The following CES5A variants were observed in gnomAD, a reference collection of about 807,000 sequenced individuals.
CES5A encodes carboxylesterase 5.
CES5A carries 67 observed loss-of-function variants against 62.9 expected under a neutral mutation model. The observed-to-expected ratio is 1.07, with a 90% CI of 0.88 to 1.31. The LOEUF (loss-of-function observed/expected upper bound fraction) is 1.31. CES5A is among the 50% of genes most tolerant of loss of function. The probability of loss-of-function intolerance (pLI) is 0.00; values close to 1 mark genes in which losing one functional copy is unlikely to be tolerated. For synonymous variants in CES5A, 296 were observed against 280.8 expected (o/e 1.05, Z -0.54); for missense variants, 748 against 708.5 (o/e 1.06, Z -0.63).
intron 1 of CES5A, among the ~76,000 whole-genome samples, chr16:55,889,558 G>A (rs1441788608): frequency 6.6e-6 from 1 of 152,162 alleles, no homozygotes; most frequent in East Asian, 1.9e-4. Context: ...TATCTGGGAA[G>A]GGGCATAGAG....
intron 6 of CES5A, among the ~76,000 whole-genome samples, chr16:55,862,489 G>A (rs1316505059): frequency 8.5e-5 from 13 of 152,118 alleles, no homozygotes; most frequent in African/African-American, 3.1e-4. Context: ...AACAGAGCAG[G>A]GAAAATAGTG....
chr16:55,908,065 C>T (rs1256713411), intron 1 of CES5A, among the ~76,000 whole-genome samples: 2 of 152,164 alleles, frequency 1.3e-5, no homozygotes, highest in African/African-American at 4.8e-5. Context: ...TTACTATTCT[C>T]TTGTCTGGCC....
chr16:55,908,863 T>A (rs2034065163), intron 1 of CES5A, among the ~76,000 whole-genome samples: 1 of 152,216 alleles, frequency 6.6e-6, no homozygotes, highest in African/African-American at 2.4e-5. Flanking sequence ...GCAGTGGACA[T>A]GGTCACTTAG....
At chr16:55,912,858 A>G (rs1355103525) in intron 1 of CES5A, among the ~76,000 whole-genome samples, 2 of 152,168 alleles carry the variant, frequency 1.3e-5, no homozygotes, top group African/African-American at 4.8e-5. Flanking sequence ...GCTCTTTGCC[A>G]TTGTTCAGTG....
intron 1 of CES5A, among the ~76,000 whole-genome samples, chr16:55,924,153 A>G (rs1465301924): frequency 6.6e-6 from 1 of 151,948 alleles, no homozygotes; most frequent in Non-Finnish European, 1.5e-5. Context: ...ACATGGTCTT[A>G]TACTCAGGAA....
chr16:55,873,774 C>T (rs535598579), intron 2 of CES5A, 59 bp downstream of exon 2: 2 of 1,463,206 alleles, frequency 1.4e-6, no homozygotes, highest in Non-Finnish European at 1.9e-6. Flanking sequence ...GGCTGCATGA[C>T]CTGAATTCCT....
chr16:55,942,254 A>C (rs1398375987), intron 2 of CES5A, among the ~76,000 whole-genome samples: 1 of 152,236 alleles, frequency 6.6e-6, no homozygotes, highest in East Asian at 1.9e-4. Flanking sequence ...CCTACTTATG[A>C]AAAGACGTCA....
chr16:55,866,034 A>C lies in CES5A; in HGVS notation c.634T>G (p.Phe212Val), dbSNP rs2033451756. ...ALSWVQKNIE[F>V]FGGDPSSVTI... ...ACAGAGCTGGGGTCCCCACCGAAGA[A>C]CTCGATGTTCTTCTGGACCCAGGAC... The change falls in exon 5 of 13, where the codon TTC (phenylalanine) becomes GTC (valine). Residue 212 changes from phenylalanine to valine, a missense_variant. Coordinates refer to ENST00000290567, the MANE Select transcript of CES5A (RefSeq NM_001143685.2). 1.9e-6 allele frequency: 3 copies of C among 1,613,992 alleles called. No homozygotes were observed. In the South Asian group the frequency reaches 3.3e-5, roughly 18 times the overall value.
At chr16:55,955,759 T>C in intron 1 of CES5A, 1 of 1,444,688 alleles carries the variant, frequency 6.9e-7, no homozygotes, top group Non-Finnish European at 9.4e-7. Flanking sequence ...TGGGTAAATT[T>C]GCATCTAATC....
At chr16:55,881,809 A>C (rs561702998) in intron 1 of CES5A, among the ~76,000 whole-genome samples, 1 of 152,342 alleles carries the variant, frequency 6.6e-6, no homozygotes, top group Non-Finnish European at 1.5e-5. Flanking sequence ...CTTGTTAGCT[A>C]CCATAGAAAT....
chr16:55,848,786 TG>T (rs2142380528), intron 11 of CES5A, among the ~76,000 whole-genome samples: 1 of 152,350 alleles, frequency 6.6e-6, no homozygotes, highest in Non-Finnish European at 1.5e-5. Context: ...TTACATAGTA[TG>T]GGCTCAGGAA....
rs543780961 is a variant in CES5A at position 55,913,747 on chromosome 16, T to C, written c.-256+11576A>G. Among the ~76,000 whole-genome samples, 8 of 152,368 alleles carry C rather than the reference T, an allele frequency of 5.3e-5. No homozygotes were observed. The South Asian group carries it at 1.7e-3, about 32-fold the overall frequency. ...CAGTCTTTCTGTTTAATCACCATCA[T>C]CTGCAGCCTTCCCTGGTACAAAGAG... is the stretch of plus-strand genomic sequence containing the variant. On this transcript the variant is annotated intron_variant, in intron 1 of 12. Transcript: ENST00000518005.
At chr16:55,894,235 G>A (rs1252769280) in intron 1 of CES5A, among the ~76,000 whole-genome samples, 10 of 152,098 alleles carry the variant, frequency 6.6e-5, no homozygotes, top group Non-Finnish European at 1.2e-4. Flanking sequence ...TAGGCTGGGC[G>A]TGGTGGCTCA....
At chr16:55,918,457 C>A (rs768326265) in intron 1 of CES5A, among the ~76,000 whole-genome samples, 25 of 152,264 alleles carry the variant, frequency 1.6e-4, no homozygotes, top group Non-Finnish European at 3.2e-4. Context: ...TACCTCCCTG[C>A]CTATGTTCTA....
At chr16:55,900,549 A>G (rs1470573607) in intron 1 of CES5A, among the ~76,000 whole-genome samples, 2 of 152,180 alleles carry the variant, frequency 1.3e-5, no homozygotes, top group Non-Finnish European at 2.9e-5. Flanking sequence ...AAGGAGGGGA[A>G]CTTGTCTTCC....
At chr16:55,938,765 A>AT (rs1424224399) in intron 2 of CES5A, among the ~76,000 whole-genome samples, 2 of 39,194 alleles carry the variant, frequency 5.1e-5, no homozygotes, top group African/African-American at 1.1e-4. Context: ...AAAAAAAAAA[A>AT]ATATATATAT....
chr16:55,942,859 AC>A (rs2034459248), intron 2 of CES5A, among the ~76,000 whole-genome samples: 1 of 152,232 alleles, frequency 6.6e-6, no homozygotes, highest in Non-Finnish European at 1.5e-5. Context: ...GGAAAAAACA[AC>A]CTGGATGAAT....
At chr16:55,917,997 T>C (rs1054684464) in intron 1 of CES5A, among the ~76,000 whole-genome samples, 4 of 152,138 alleles carry the variant, frequency 2.6e-5, no homozygotes, top group African/African-American at 9.7e-5. Context: ...TGGGAGAGAA[T>C]TGGCCAAAAT....
intron 1 of CES5A, among the ~76,000 whole-genome samples, chr16:55,882,964 G>A (rs74019316): frequency 0.019 from 2,921 of 152,286 alleles, 97 homozygotes; most frequent in African/African-American, 0.066. Flanking sequence ...ATTGTGAGAG[G>A]CAGCTAACCC....
Sources: allele counts gnomAD v4.1 joint callset (sites outside exome capture counted in the v4.1 genomes callset), GRCh38; gene constraint gnomAD v4.1.1; transcripts MANE v1.5; gene names NCBI Gene and HGNC (gene_info 2026-07-23, HGNC 2026-07-21).